ADGRE1: variants seen among roughly 807,000 people sequenced by gnomAD.
The protein encoded by ADGRE1 is adhesion G protein-coupled receptor E1.
A neutral mutation model predicts 102.7 loss-of-function variants in ADGRE1; 82 were observed. The ratio of observed to expected loss-of-function variants is 0.80; its 90% CI spans 0.67 to 0.96. The LOEUF (loss-of-function observed/expected upper bound fraction) is 0.96, where lower values mean the gene tolerates loss of function less well. Among genes scored for constraint, ADGRE1 ranks in the 40% least tolerant of loss-of-function variants. The probability of loss-of-function intolerance (pLI) is 0.00; values close to 1 mark genes in which losing one functional copy is unlikely to be tolerated. For synonymous variants in ADGRE1, 398 were observed against 399.6 expected (o/e 1.00, Z 0.05); for missense variants, 1,032 against 1,085.3 (o/e 0.95, Z 0.69).
Position 6,908,790 on chromosome 19 carries a change from TA to T in ADGRE1, c.1122+21del. ...CTCTGAAGGTAACGATTGGGTCTTT[TA>T]AATTGTGTTTTGAGTTTCAAACATC... On this transcript the variant is annotated intron_variant, in intron 10 of 20. Coordinates refer to ENST00000312053, the MANE Select transcript of ADGRE1 (RefSeq NM_001974.5). 2 of 1,594,978 alleles carry T rather than the reference TA, an allele frequency of 1.3e-6. No homozygotes were observed. Among genetic ancestry groups the T allele is most frequent in the Non-Finnish European group, 1.7e-6 (2 of 1,174,470 alleles).
intron 6 of ADGRE1, 46 bp from the exon 7 acceptor site, chr19:6,903,764 T>G (rs1245390986): frequency 3.7e-6 from 6 of 1,606,144 alleles, no homozygotes; most frequent in Admixed American, 1.7e-5. Flanking sequence ...ATGATTTTGT[T>G]GGCTCATTGG....
intron 12 of ADGRE1, among the ~76,000 whole-genome samples, chr19:6,919,320 A>G (rs1974528891): frequency 6.8e-6 from 1 of 147,816 alleles, no homozygotes. Flanking sequence ...GTGAGCCACC[A>G]TGCCCGGCCA....
chr19:6,906,348 C>T lies in ADGRE1; in HGVS notation c.950-85C>T, dbSNP rs143204369. 3.1e-3 allele frequency: 3,729 copies of T among 1,217,570 alleles called. 123 individuals carry two copies. The Admixed American group carries it at 0.056, about 18-fold the overall frequency. 75.4% of individuals were successfully genotyped at this position (1,217,570 alleles called of 1,614,324 possible). On this transcript the variant is annotated intron_variant, in intron 8 of 20. Transcript: ENST00000312053. Reference sequence around the variant, plus strand: ...TAATAGATGGATTTTAAGTCGGGCACGGGAGGACATGAAATCAGACTTGAA... The same window carrying T: ...TAATAGATGGATTTTAAGTCGGGCATGGGAGGACATGAAATCAGACTTGAA...
At position 6,937,626 on chromosome 19, in the gene ADGRE1, C is replaced by T; in HGVS notation, c.2633C>T (p.Ser878Phe). The T allele has an allele frequency of 6.2e-7, 1 of 1,614,082 alleles. No homozygotes were observed. Among genetic ancestry groups the T allele is most frequent in the Non-Finnish European group, 8.5e-7 (1 of 1,179,990 alleles). The change falls in exon 20 of 21, where the codon TCC (serine) becomes TTC (phenylalanine). Residue 878 changes from serine to phenylalanine, a missense_variant. By Grantham distance (155) the Ser-to-Phe change is radical. Transcript: ENST00000312053. ...CAGACCTCAAGGATCTTGCTGTCCT[C>T]CATGCCATCCGCTTCCAAGACGGTG... ...QSQTSRILLSSMPSASKTG is the reference protein window; with the variant it reads ...QSQTSRILLSFMPSASKTG
At position 6,921,846 on chromosome 19, in the gene ADGRE1, C is replaced by G; in HGVS notation, c.1754C>G (p.Ala585Gly). 6.2e-7 allele frequency: 1 copy of G among 1,614,034 alleles called. No individual in the cohort carries two copies. Among genetic ancestry groups the G allele is most frequent in the Admixed American group, 1.7e-5 (1 of 59,984 alleles). ...ACCATCTGCAGCTGTAATCAGATGG[C>G]AAATCTTGCCGTTATCATGGCGTCT... ...TYTICSCNQMANLAVIMASGE... is the reference protein window; with the variant it reads ...TYTICSCNQMGNLAVIMASGE... Residue 585 changes from alanine to glycine, a missense_variant, in exon 14 of 21, where the codon GCA becomes GGA. Coordinates refer to ENST00000312053, the MANE Select transcript of ADGRE1 (RefSeq NM_001974.5).
At chr19:6,932,843 A>G (rs78798623) in intron 17 of ADGRE1, among the ~76,000 whole-genome samples, 2,403 of 152,310 alleles carry the variant, frequency 0.016, 69 homozygotes, top group African/African-American at 0.055. Context: ...TGAACAAACC[A>G]TATGTGTGAG....
intron 13 of ADGRE1, 31 bp from the exon 14 acceptor site, chr19:6,921,682 C>A (rs1568355783): frequency 6.6e-7 from 1 of 1,523,912 alleles, no homozygotes; most frequent in Admixed American, 2.2e-5. Context: ...CCCAGAAGAC[C>A]TTTGTTTTTT....
intron 2 of ADGRE1, among the ~76,000 whole-genome samples, chr19:6,891,533 A>G (rs1307947194): frequency 1.3e-5 from 2 of 150,632 alleles, no homozygotes; most frequent in African/African-American, 4.9e-5. Context: ...GGTTCACTGC[A>G]AGCTCCGCCT....
chr19:6,934,221 C>T (rs1975285389), intron 17 of ADGRE1, among the ~76,000 whole-genome samples: 2 of 152,000 alleles, frequency 1.3e-5, no homozygotes, highest in South Asian at 4.2e-4. Flanking sequence ...TAACTAGGAG[C>T]GGGGTATCCT....
intron 1 of ADGRE1, among the ~76,000 whole-genome samples, chr19:6,888,222 C>CA (rs1191339243): frequency 6.6e-6 from 1 of 152,058 alleles, no homozygotes; most frequent in African/African-American, 2.4e-5. Context: ...TATGTTGCCC[C>CA]AAAAAATAAG....
chr19:6,898,565 C>A, intron 5 of ADGRE1: 1 of 1,497,874 alleles, frequency 6.7e-7, no homozygotes, highest in Admixed American at 1.7e-5. Flanking sequence ...TATCTGCTCA[C>A]CCTCTTTCAC....
intron 5 of ADGRE1, among the ~76,000 whole-genome samples, chr19:6,900,217 G>A (rs551256835): frequency 6.6e-6 from 1 of 151,852 alleles, no homozygotes; most frequent in East Asian, 1.9e-4. Flanking sequence ...GCTCACACCT[G>A]TAATACCAGC....
intron 20 of ADGRE1, among the ~76,000 whole-genome samples, chr19:6,939,688 T>C (rs455485): frequency 0.69 from 104,820 of 152,038 alleles, 36,357 homozygotes; most frequent in Non-Finnish European, 0.73. Flanking sequence ...TAACAGTAAA[T>C]GAAAGCCCAG....
At chr19:6,933,802 G>A (rs770124445) in intron 17 of ADGRE1, among the ~76,000 whole-genome samples, 2 of 152,084 alleles carry the variant, frequency 1.3e-5, no homozygotes, top group South Asian at 2.1e-4. Context: ...CCTTCTCCCC[G>A]CTGCCCCCAC....
At chr19:6,934,490 A>T (rs1055782440) in intron 17 of ADGRE1, among the ~76,000 whole-genome samples, 1 of 145,834 alleles carries the variant, frequency 6.9e-6, no homozygotes, top group Non-Finnish European at 1.5e-5. Context: ...GCACAATCTC[A>T]GCTCACTGCA....
chr19:6,902,091 G>T (rs1219068087), intron 6 of ADGRE1, 70 bp downstream of exon 6: 3 of 1,577,408 alleles, frequency 1.9e-6, no homozygotes, highest in East Asian at 2.3e-5. Context: ...GGGGATTAGG[G>T]TGGGTCTTGG....
chr19:6,926,365 G>T lies in ADGRE1; in HGVS notation c.1987-1G>T. On this transcript the variant is annotated splice_acceptor_variant, in intron 15 of 20. Coordinates refer to ENST00000312053, the MANE Select transcript of ADGRE1 (RefSeq NM_001974.5). LOFTEE classifies it high-confidence loss of function. Reference sequence around the variant, plus strand: ...CTGATGCGCATGCTTCTCCCCTCCAGATGGGCTGCGCCATCATCGCGGGCT... The same window carrying T: ...CTGATGCGCATGCTTCTCCCCTCCATATGGGCTGCGCCATCATCGCGGGCT... 1 of 1,613,842 alleles carries T rather than the reference G, an allele frequency of 6.2e-7. No individual in the cohort carries two copies. The highest frequency in any genetic ancestry group is 1.1e-5 in the South Asian group (1 of 91,050).
At chr19:6,912,587 A>G (rs1974245350) in intron 10 of ADGRE1, among the ~76,000 whole-genome samples, 1 of 152,220 alleles carries the variant, frequency 6.6e-6, no homozygotes. Flanking sequence ...AACCAAATGC[A>G]ATACTATATA....
At chr19:6,901,243 C>G (rs760510065) in intron 5 of ADGRE1, among the ~76,000 whole-genome samples, 1 of 152,204 alleles carries the variant, frequency 6.6e-6, no homozygotes, top group Non-Finnish European at 1.5e-5. Context: ...TGTATTGTTA[C>G]ATTATTACAA....
Sources: gnomAD v4.1 joint callset for allele counts (sites outside exome capture counted in the v4.1 genomes callset) on GRCh38, gnomAD v4.1.1 for gene constraint, MANE v1.5 for transcripts, NCBI Gene and HGNC (gene_info 2026-07-23, HGNC 2026-07-21) for gene names.